Variants in GRIK2 observed in about 807,000 individuals in gnomAD.
GRIK2 encodes glutamate ionotropic receptor kainate type subunit 2.
A neutral mutation model predicts 100.3 loss-of-function variants in GRIK2; 32 were observed. The observed-to-expected ratio is 0.32, with a 90% CI of 0.24 to 0.43. GRIK2 has a LOEUF of 0.43. GRIK2 is among the 20% of genes least tolerant of loss of function. GRIK2 has a pLI of 1.00. For synonymous variants in GRIK2, 417 were observed against 389.4 expected (o/e 1.07, Z -0.83); for missense variants, 843 against 1,114.9 (o/e 0.76, Z 3.47).
At chr6:101,923,689 G>A (rs1264975949) in intron 12 of GRIK2, among the ~76,000 whole-genome samples, 1 of 152,084 alleles carries the variant, frequency 6.6e-6, no homozygotes, top group African/African-American at 2.4e-5. Context: ...GGGAGGCCCA[G>A]GCAGGCGGAT....
chr6:101,726,244 G>T (rs1366083632), intron 7 of GRIK2, among the ~76,000 whole-genome samples: 1 of 151,966 alleles, frequency 6.6e-6, no homozygotes, highest in African/African-American at 2.4e-5. Context: ...GGTTGTGCTT[G>T]CTTAGCCTCT....
chr6:101,542,983 T>C lies in GRIK2; in HGVS notation c.116-78966T>C, dbSNP rs111949464. 1.5e-3 allele frequency among the ~76,000 whole-genome samples: 223 copies of C among 152,228 alleles called. 2 individuals carry two copies. The highest frequency in any genetic ancestry group is 5.2e-3 in the African/African-American group (218 of 41,558). ...CCTTCTCTTAATGGATAATGACATA[T>C]ATGTTAAGCAACACAAGGAAAAAAT... On this transcript the variant is annotated intron_variant, in intron 2 of 16. Transcript: ENST00000369134.
intron 2 of GRIK2, among the ~76,000 whole-genome samples, chr6:101,550,265 C>A (rs1776441871): frequency 6.6e-6 from 1 of 152,066 alleles, no homozygotes; most frequent in Non-Finnish European, 1.5e-5. Flanking sequence ...TCATTGATAT[C>A]TTTTTAGTCT....
At chr6:101,644,842 T>C (rs1269798549) in intron 4 of GRIK2, among the ~76,000 whole-genome samples, 1 of 151,864 alleles carries the variant, frequency 6.6e-6, no homozygotes, top group African/African-American at 2.4e-5. Context: ...GGCAAAGCCA[T>C]GTGATTTTCT....
intron 14 of GRIK2, among the ~76,000 whole-genome samples, chr6:102,028,622 G>A (rs1321391258): frequency 2.0e-5 from 3 of 151,138 alleles, no homozygotes; most frequent in Non-Finnish European, 4.4e-5. Context: ...TTTAAGATAT[G>A]CATTTCATGC....
intron 2 of GRIK2, among the ~76,000 whole-genome samples, chr6:101,603,149 A>C (rs1779299824): frequency 6.9e-6 from 1 of 145,626 alleles, no homozygotes; most frequent in African/African-American, 2.6e-5. Flanking sequence ...ATATACCTGA[A>C]AACACTGGAT....
intron 12 of GRIK2, among the ~76,000 whole-genome samples, chr6:101,923,486 A>G (rs1206532731): frequency 1.3e-5 from 2 of 152,196 alleles, no homozygotes; most frequent in Non-Finnish European, 2.9e-5. Flanking sequence ...AGATGTTAAG[A>G]TTTCTAAAGT....
intron 5 of GRIK2, among the ~76,000 whole-genome samples, chr6:101,682,068 G>C (rs912604833): frequency 1.3e-5 from 2 of 152,154 alleles, no homozygotes; most frequent in African/African-American, 2.4e-5. Context: ...TTTTAAATAA[G>C]AGTGGTAATT....
chr6:101,825,610 A>AGTTTT (rs1554269954), intron 10 of GRIK2, among the ~76,000 whole-genome samples: 16 of 151,472 alleles, frequency 1.1e-4, no homozygotes, highest in African/African-American at 3.6e-4. Context: ...ACTTATAAGC[A>AGTTTT]GTTTTGCCTT....
intron 11 of GRIK2, among the ~76,000 whole-genome samples, chr6:101,873,983 A>T (rs1050704015): frequency 2.6e-5 from 4 of 152,058 alleles, no homozygotes; most frequent in Non-Finnish European, 5.9e-5. Context: ...TTCATTGTAG[A>T]TTCTGGATAT....
At chr6:101,933,179 G>A (rs997740746) in intron 14 of GRIK2, among the ~76,000 whole-genome samples, 1 of 151,944 alleles carries the variant, frequency 6.6e-6, no homozygotes, top group Non-Finnish European at 1.5e-5. Flanking sequence ...TGGCCACGTT[G>A]AGAAAATTTT....
intron 10 of GRIK2, among the ~76,000 whole-genome samples, chr6:101,849,036 A>T (rs1277123125): frequency 6.6e-6 from 1 of 151,996 alleles, no homozygotes; most frequent in Admixed American, 6.6e-5. Context: ...TTTAGTTTAG[A>T]TGCCTGAAAT....
chr6:101,733,675 T>G (rs181309666), intron 7 of GRIK2, among the ~76,000 whole-genome samples: 59 of 152,012 alleles, frequency 3.9e-4, no homozygotes, highest in African/African-American at 1.3e-3. Context: ...TGGTTCTTTT[T>G]TGCTTGACAA....
intron 10 of GRIK2, among the ~76,000 whole-genome samples, chr6:101,831,876 A>G (rs1782722837): frequency 6.6e-6 from 1 of 152,124 alleles, no homozygotes; most frequent in South Asian, 2.1e-4. Flanking sequence ...ATGTACATTT[A>G]TAAAACTTAA....
At chr6:101,890,929 AT>A (rs1787012744) in intron 12 of GRIK2, among the ~76,000 whole-genome samples, 1 of 151,074 alleles carries the variant, frequency 6.6e-6, no homozygotes, top group South Asian at 2.1e-4. Flanking sequence ...ATCAATTAGA[AT>A]TCTACACATA....
chr6:101,928,340 C>T, intron 13 of GRIK2, 75 bp from the exon 14 acceptor site: 1 of 791,162 alleles, frequency 1.3e-6, no homozygotes, highest in South Asian at 1.4e-5. Flanking sequence ...TTCCATTCTG[C>T]CACTGTGACA....
chr6:101,639,262 G>C (rs538384781), intron 4 of GRIK2, among the ~76,000 whole-genome samples: 3 of 152,202 alleles, frequency 2.0e-5, no homozygotes, highest in African/African-American at 7.2e-5. Flanking sequence ...GCAAACTCCT[G>C]ATATCAAGTG....
chr6:101,774,992 C>A (rs1213683130), intron 7 of GRIK2, among the ~76,000 whole-genome samples: 1 of 151,978 alleles, frequency 6.6e-6, no homozygotes, highest in Non-Finnish European at 1.5e-5. Context: ...GAACATCATT[C>A]CTTATGAAGC....
rs1185037083 is a variant in GRIK2, at chr6:101,975,777, ATCTGTCTG to A, written c.2085+47157_2085+47164del. Among the ~76,000 whole-genome samples, 672 of 141,380 alleles carry A rather than the reference ATCTGTCTG, an allele frequency of 4.8e-3. 7 individuals carry two copies. Among genetic ancestry groups the A allele is most frequent in the African/African-American group, 0.017 (656 of 38,478 alleles). 92.8% of individuals were successfully genotyped at this position (141,380 alleles called of 152,430 possible). The stretch of plus-strand genomic sequence containing the variant: ...AAACAGTTATTTTATCTATGTGTCT[ATCTGTCTG>A]TCTGTCTGTCTATCTATCTATCTGT... On this transcript the variant is annotated intron_variant, in intron 14 of 16. Transcript: ENST00000369134.
Sources: gnomAD v4.1 joint callset for allele counts (sites outside exome capture counted in the v4.1 genomes callset) on GRCh38, gnomAD v4.1.1 for gene constraint, MANE v1.5 for transcripts, NCBI Gene and HGNC (gene_info 2026-07-23, HGNC 2026-07-21) for gene names.